CBLB: variants seen among roughly 807,000 people sequenced by gnomAD.
CBLB encodes the protein E3 ubiquitin-protein ligase CBL-B.
Under a neutral mutation model 104.9 loss-of-function variants are expected in CBLB, and 31 were observed. The ratio of observed to expected loss-of-function variants is 0.30; its 90% CI spans 0.22 to 0.40. The LOEUF (loss-of-function observed/expected upper bound fraction) is 0.40, where lower values mean the gene tolerates loss of function less well. Among genes scored for constraint, CBLB ranks in the 10% least tolerant of loss-of-function variants. CBLB has a pLI of 1.00. For synonymous variants in CBLB, 440 were observed against 422.6 expected, an observed-to-expected ratio of 1.04 and a Z score of -0.51; for missense variants, 1,062 against 1,214.6, an observed-to-expected ratio of 0.87 and a Z score of 1.87.
At position 105,839,964 on chromosome 3, in the gene CBLB, T is replaced by A. The variant is rs577053476; in HGVS notation, c.419+13450A>T. Among the ~76,000 whole-genome samples, 127 of 152,334 alleles carry A rather than the reference T, an allele frequency of 8.3e-4. 1 individual carries two copies. The highest frequency in any genetic ancestry group is 3.0e-3 in the African/African-American group (125 of 41,584). On this transcript the variant is annotated intron_variant, in intron 3 of 18. Transcript: ENST00000394030. ...CTTTAAGACTTTATCCATGCAAACCTATTTTAATCAGGTAAATGAGACCCA... is the reference window on the plus strand; with the variant it reads ...CTTTAAGACTTTATCCATGCAAACCAATTTTAATCAGGTAAATGAGACCCA...
intron 16 of CBLB, 160 bp downstream of exon 16, chr3:105,681,319 C>G (rs2152727175): frequency 3.0e-6 from 2 of 667,168 alleles, no homozygotes; most frequent in South Asian, 3.7e-5. Context: ...GAGTAATGGT[C>G]TCGTGAACTT....
At chr3:105,721,140 A>C (rs182259956) in intron 9 of CBLB, among the ~76,000 whole-genome samples, 58 of 152,332 alleles carry the variant, frequency 3.8e-4, no homozygotes, top group African/African-American at 1.3e-3. Flanking sequence ...CCCTGACTTT[A>C]GCAATGTGTT....
At chr3:105,692,336 T>C (rs2067814557) in intron 13 of CBLB, among the ~76,000 whole-genome samples, 1 of 152,170 alleles carries the variant, frequency 6.6e-6, no homozygotes, top group Admixed American at 6.5e-5. Flanking sequence ...TCTTTTCAAT[T>C]GGAGAGTCAC....
rs1419834041 is a variant in CBLB at position 105,658,268 on chromosome 3, G to A, written c.*702C>T. The A allele has an allele frequency of 4.6e-6, 1 of 219,456 alleles. No homozygotes were observed. The highest frequency in any genetic ancestry group is 9.1e-6 in the Non-Finnish European group (1 of 109,292). The allele number at this position is 219,456 out of a possible 1,614,324, so 13.6% of individuals were successfully genotyped here. A position where few individuals can be genotyped will look rare whatever the true frequency, so the allele number is the denominator to read the frequency against. The stretch of plus-strand genomic sequence containing the variant: ...AAACAAAAAAGGGAAGCTCCTCTAT[G>A]TTATGTGAAAACCCCTTACAAAAGG... On this transcript the variant is annotated 3_prime_UTR_variant, in exon 19 of 19. Coordinates refer to ENST00000394030, the MANE Select transcript of CBLB (RefSeq NM_170662.5).
intron 9 of CBLB, among the ~76,000 whole-genome samples, chr3:105,726,038 C>A (rs1445633706): frequency 6.6e-6 from 1 of 152,024 alleles, no homozygotes; most frequent in Admixed American, 6.6e-5. Context: ...TTAGTAGAAA[C>A]AGGGTTCGCC....
At chr3:105,811,220 T>C (rs374311236) in intron 3 of CBLB, among the ~76,000 whole-genome samples, 1 of 152,296 alleles carries the variant, frequency 6.6e-6, no homozygotes, top group African/African-American at 2.4e-5. Context: ...ACTAAATTTT[T>C]TGAGTCATTA....
intron 16 of CBLB, 105 bp from the exon 17 acceptor site, chr3:105,678,676 T>C: frequency 1.6e-6 from 2 of 1,278,070 alleles, no homozygotes; most frequent in Non-Finnish European, 2.2e-6. Context: ...TTATAAAGAA[T>C]TTCACTCGCA....
chr3:105,766,233 T>C (rs923414552), intron 4 of CBLB, among the ~76,000 whole-genome samples: 1 of 152,170 alleles, frequency 6.6e-6, no homozygotes, highest in Non-Finnish European at 1.5e-5. Flanking sequence ...AACTGCTTCT[T>C]ATAGAAAAGC....
At chr3:105,788,725 C>T (rs1325213502) in intron 3 of CBLB, among the ~76,000 whole-genome samples, 4 of 152,224 alleles carry the variant, frequency 2.6e-5, no homozygotes, top group Admixed American at 6.5e-5. Flanking sequence ...AAATCTTTGG[C>T]ACTCTTCCCA....
intron 4 of CBLB, among the ~76,000 whole-genome samples, chr3:105,768,565 A>G (rs1386731050): frequency 6.6e-6 from 1 of 152,260 alleles, no homozygotes; most frequent in East Asian, 1.9e-4. Context: ...TAAAGATTAT[A>G]TTGAAAATGA....
intron 4 of CBLB, among the ~76,000 whole-genome samples, chr3:105,762,670 T>C (rs1043961617): frequency 6.6e-6 from 1 of 152,212 alleles, no homozygotes; most frequent in Non-Finnish European, 1.5e-5. Context: ...AGGTAGAAGT[T>C]TGCTGCAGGG....
At chr3:105,665,026 T>C (rs919872807) in intron 18 of CBLB, among the ~76,000 whole-genome samples, 1 of 152,174 alleles carries the variant, frequency 6.6e-6, no homozygotes, top group Non-Finnish European at 1.5e-5. Flanking sequence ...GTAAATTCTA[T>C]CAGGCTTACA....
At chr3:105,738,845 T>G (rs950148704) in intron 7 of CBLB, among the ~76,000 whole-genome samples, 1 of 152,036 alleles carries the variant, frequency 6.6e-6, no homozygotes, top group Non-Finnish European at 1.5e-5. Flanking sequence ...AAATACACAT[T>G]TGGTACCATA....
intron 17 of CBLB, among the ~76,000 whole-genome samples, chr3:105,675,032 G>C (rs1207921061): frequency 6.6e-6 from 1 of 152,112 alleles, no homozygotes; most frequent in African/African-American, 2.4e-5. Context: ...AGCTGAACCT[G>C]GCCCAACTGT....
At chr3:105,795,388 TTATC>T (rs1397576343) in intron 3 of CBLB, among the ~76,000 whole-genome samples, 2 of 152,208 alleles carry the variant, frequency 1.3e-5, no homozygotes, top group African/African-American at 2.4e-5. Context: ...ATAATTTCCT[TTATC>T]TAAGAAACAG....
Position 105,846,062 on chromosome 3 carries a change from A to G in CBLB, c.419+7352T>C, listed in dbSNP as rs986520869. 3.9e-5 allele frequency among the ~76,000 whole-genome samples: 6 copies of G among 152,084 alleles called. 1 individual carries two copies. The highest frequency in any genetic ancestry group is 3.9e-4 in the Admixed American group (6 of 15,248). Reference sequence around the variant, plus strand: ...CAAAAATTCATATTTTCATTCCTCTAGTTTCCCATTTAAAAGGAAAAAATG... The same window carrying G: ...CAAAAATTCATATTTTCATTCCTCTGGTTTCCCATTTAAAAGGAAAAAATG... On this transcript the variant is annotated intron_variant, in intron 3 of 18. Coordinates refer to ENST00000394030, the MANE Select transcript of CBLB (RefSeq NM_170662.5).
At chr3:105,668,506 T>G (rs572010815) in intron 18 of CBLB, among the ~76,000 whole-genome samples, 1 of 152,298 alleles carries the variant, frequency 6.6e-6, no homozygotes, top group African/African-American at 2.4e-5. Context: ...AGTTATATTT[T>G]AATACTATTT....
At chr3:105,839,712 A>G (rs948898847) in intron 3 of CBLB, among the ~76,000 whole-genome samples, 3 of 152,388 alleles carry the variant, frequency 2.0e-5, no homozygotes, top group South Asian at 4.1e-4. Context: ...TGGCTCCGCC[A>G]TTGAAAATTT....
intron 4 of CBLB, among the ~76,000 whole-genome samples, chr3:105,766,471 G>A (rs1050568664): frequency 3.9e-5 from 6 of 152,158 alleles, no homozygotes; most frequent in Non-Finnish European, 7.4e-5. Context: ...ACCAATTGAT[G>A]TAGTAAACTT....
Sources: allele counts gnomAD v4.1 joint callset (sites outside exome capture counted in the v4.1 genomes callset), GRCh38; gene constraint gnomAD v4.1.1; transcripts MANE v1.5; gene names NCBI Gene and HGNC (gene_info 2026-07-23, HGNC 2026-07-21).